PTPRN2: variants seen among roughly 807,000 people sequenced by gnomAD.
The protein encoded by PTPRN2 is protein tyrosine phosphatase receptor type N2.
PTPRN2 carries 74 observed loss-of-function variants against 118.8 expected under a neutral mutation model. The ratio of observed to expected loss-of-function variants is 0.62; its 90% CI spans 0.52 to 0.76. The LOEUF is 0.76. Ranked by LOEUF, PTPRN2 falls within the 30% of genes least tolerant of loss-of-function variation. The pLI is 0.00. For missense variants in PTPRN2, 1,481 were observed against 1,394.4 expected, an observed-to-expected ratio of 1.06 and a Z score of -0.99; for synonymous variants, 641 against 608.0, an observed-to-expected ratio of 1.05 and a Z score of -0.80.
At chr7:158,250,597 A>G (rs1465151394) in intron 3 of PTPRN2, among the ~76,000 whole-genome samples, 2 of 152,076 alleles carry the variant, frequency 1.3e-5, no homozygotes, top group Admixed American at 1.3e-4. Flanking sequence ...CCACACAGAA[A>G]CAGAAGTGAT....
At chr7:158,176,241 T>C (rs1206273995) in intron 5 of PTPRN2, among the ~76,000 whole-genome samples, 1 of 152,118 alleles carries the variant, frequency 6.6e-6, no homozygotes, top group Non-Finnish European at 1.5e-5. Context: ...GGGTTAGAGG[T>C]CAGTTGGCTC....
At chr7:157,864,025 C>G (rs1810438974) in intron 12 of PTPRN2, 3 of 152,254 alleles carry the variant, frequency 2.0e-5, no homozygotes, top group Admixed American at 2.0e-4. Context: ...GTGATTCTGG[C>G]CAGGACCACC....
intron 2 of PTPRN2, among the ~76,000 whole-genome samples, chr7:158,372,362 C>CT (rs1250131808): frequency 2.0e-5 from 3 of 148,292 alleles, no homozygotes; most frequent in Non-Finnish European, 3.0e-5. Context: ...CTGGACACCC[C>CT]CAGGCTGGAC....
intron 10 of PTPRN2, among the ~76,000 whole-genome samples, chr7:158,084,454 T>C (rs1813097885): frequency 6.6e-6 from 1 of 152,140 alleles, no homozygotes; most frequent in Non-Finnish European, 1.5e-5. Flanking sequence ...TCTTTAGACA[T>C]TTGGGGAAAA....
intron 12 of PTPRN2, among the ~76,000 whole-genome samples, chr7:157,710,767 AGGAGGGGTTCC>A (rs1798573157): frequency 1.1e-5 from 1 of 89,346 alleles, no homozygotes; most frequent in African/African-American, 3.0e-5. Flanking sequence ...GCCCATGTGC[AGGAGGGGTTCC>A]GGGGCAGCCG....
chr7:157,740,216 T>C (rs1800541457), intron 12 of PTPRN2: 1 of 152,242 alleles, frequency 6.6e-6, no homozygotes, highest in African/African-American at 2.4e-5. Context: ...AGATTTGTTA[T>C]TATGTATACA....
At chr7:158,486,052 T>C (rs1480306076) in intron 2 of PTPRN2, among the ~76,000 whole-genome samples, 1 of 152,266 alleles carries the variant, frequency 6.6e-6, no homozygotes, top group Admixed American at 6.5e-5. Context: ...ATGATTTGTC[T>C]ACTGTTTTAA....
rs186313112 is a variant in PTPRN2 at position 158,303,053 on chromosome 7, G to A, written c.277+13766C>T. On this transcript the variant is annotated intron_variant, in intron 3 of 22. Transcript: ENST00000389418. ...TTATGTTTTGGAAAATATAGCTACT[G>A]TGTTTATAATGAAATAATTTTATGA... 6.2e-3 allele frequency among the ~76,000 whole-genome samples: 934 copies of A among 151,868 alleles called. 15 individuals are homozygous for A. Among genetic ancestry groups the A allele is most frequent in the South Asian group, 7.1e-3 (34 of 4,818 alleles).
intron 2 of PTPRN2, among the ~76,000 whole-genome samples, chr7:158,399,957 C>T (rs892812202): frequency 2.0e-5 from 3 of 152,144 alleles, no homozygotes; most frequent in Non-Finnish European, 4.4e-5. Flanking sequence ...GGAGGGGCGG[C>T]GAGTCTGCAG....
chr7:158,251,647 GGTGTGCA>G (rs1796679218), intron 3 of PTPRN2, among the ~76,000 whole-genome samples: 10 of 140,300 alleles, frequency 7.1e-5, no homozygotes, highest in East Asian at 2.2e-4. Flanking sequence ...GTGCACATGT[GGTGTGCA>G]CAGGTGTGCA....
chr7:158,265,347 C>A (rs923970916), intron 3 of PTPRN2, among the ~76,000 whole-genome samples: 1 of 152,066 alleles, frequency 6.6e-6, no homozygotes, highest in Non-Finnish European at 1.5e-5. Context: ...TGGATGCACA[C>A]CTGCAGGCAG....
At chr7:157,871,690 G>A (rs185702822) in intron 12 of PTPRN2, among the ~76,000 whole-genome samples, 113 of 151,814 alleles carry the variant, frequency 7.4e-4, no homozygotes, top group Middle Eastern at 3.4e-3. Flanking sequence ...AACTAGTAAT[G>A]TCTTAGGGTT....
chr7:157,805,821 T>C (rs779982783), intron 12 of PTPRN2, among the ~76,000 whole-genome samples: 2 of 152,050 alleles, frequency 1.3e-5, no homozygotes, highest in Non-Finnish European at 2.9e-5. Flanking sequence ...CTTGGGGACA[T>C]GGAGTGTCTG....
intron 12 of PTPRN2, among the ~76,000 whole-genome samples, chr7:157,755,758 G>GA (rs35536795): frequency 1.5e-4 from 23 of 151,326 alleles, no homozygotes; most frequent in Non-Finnish European, 2.9e-4. Context: ...GGGAAGGAGT[G>GA]AAAAAAAACC....
chr7:158,136,590 C>T, intron 8 of PTPRN2, 65 bp downstream of exon 8: 1 of 1,518,040 alleles, frequency 6.6e-7, no homozygotes, highest in Non-Finnish European at 9.1e-7. Context: ...GTTCCCACAC[C>T]ATGAACAAAA....
rs747510182 is a variant in PTPRN2 at position 158,133,837 on chromosome 7, C to T, written c.1396G>A (p.Gly466Arg). The change falls in exon 9 of 23, where the codon GGG (glycine) becomes AGG (arginine). Residue 466 changes from glycine (G) to arginine (R), a missense_variant. Gly to Arg is a moderately radical substitution (Grantham distance 125). Coordinates refer to ENST00000389418, the MANE Select transcript of PTPRN2 (RefSeq NM_002847.5). ...TGGAGCTCCCCAAACGCAGCGGCCC[C>T]GGGCTCCGAATGCGGCTGCTGCCCC... is the stretch of plus-strand genomic sequence containing the variant. ...LLGQQPHSEP[G>R]AAAFGELQNQ... 60 of 1,613,824 alleles carry T rather than the reference C, an allele frequency of 3.7e-5. No individual in the cohort carries two copies. In the Admixed American group the frequency reaches 5.3e-4, roughly 14 times the overall value.
chr7:158,085,564 C>T, intron 10 of PTPRN2, among the ~76,000 whole-genome samples: 1 of 133,998 alleles, frequency 7.5e-6, no homozygotes, highest in Non-Finnish European at 1.6e-5. Flanking sequence ...ACCCACCACG[C>T]CCATCCACAC....
intron 3 of PTPRN2, among the ~76,000 whole-genome samples, chr7:158,275,120 C>T (rs1798873571): frequency 6.6e-6 from 1 of 152,154 alleles, no homozygotes; most frequent in Non-Finnish European, 1.5e-5. Flanking sequence ...GGCAGCAGTG[C>T]CGAGGAGCCC....
intron 12 of PTPRN2, among the ~76,000 whole-genome samples, chr7:157,760,143 C>T (rs948782016): frequency 6.6e-6 from 1 of 152,172 alleles, no homozygotes; most frequent in African/African-American, 2.4e-5. Flanking sequence ...CTTCTGCCCC[C>T]ACATCACCCA....
Sources: gnomAD v4.1 joint callset for allele counts (sites outside exome capture counted in the v4.1 genomes callset) on GRCh38, gnomAD v4.1.1 for gene constraint, MANE v1.5 for transcripts, NCBI Gene and HGNC (gene_info 2026-07-23, HGNC 2026-07-21) for gene names.